Variants in STRN4 observed in about 807,000 individuals in gnomAD.
STRN4 encodes striatin 4.
STRN4 carries 27 observed loss-of-function variants against 77.9 expected under a neutral mutation model. That is an observed-to-expected ratio of 0.35 (90% confidence interval 0.26 to 0.48). STRN4 has a LOEUF of 0.48. Among genes scored for constraint, STRN4 ranks in the 20% least tolerant of loss-of-function variants. The pLI, the probability that STRN4 is intolerant of heterozygous loss-of-function variation, is 0.99. For missense variants in STRN4, 798 were observed against 1,049.7 expected, an observed-to-expected ratio of 0.76 and a Z score of 3.31; for synonymous variants, 466 against 443.1, an observed-to-expected ratio of 1.05 and a Z score of -0.65.
In STRN4 at chr19:46,720,734, G is replaced by C; in HGVS notation, c.2130C>G (p.Asn710Lys). 1.2e-6 allele frequency: 2 copies of C among 1,606,154 alleles called. No individual in the cohort carries two copies. Among genetic ancestry groups the C allele is most frequent in the South Asian group, 2.2e-5 (2 of 89,560 alleles). The change falls in exon 17 of 18, where the codon AAC (asparagine) becomes AAG (lysine). Residue 710 changes from asparagine (N) to lysine (K), a missense_variant. Physicochemically the swap from Asn to Lys is moderately conservative, Grantham distance 94 (BLOSUM62 0). Around this residue, in one of 2 missense-constraint regions of STRN4, gnomAD observed 287 missense variants for 473.8 expected, o/e 0.61. Transcript: ENST00000263280. ...DCSLRLWSLD[N>K]KTCVQEITAH... ...CCGTGATCTCCTGCACGCACGTTTT[G>C]TTGTCCAGGCTCCAGAGACGCAGGG...
Position 46,727,904 on chromosome 19 carries a change from C to CCGG in STRN4, c.1140_1142dup (p.Arg381dup), listed in dbSNP as rs774087203. 4.1e-5 allele frequency: 66 copies of CCGG among 1,605,732 alleles called. No homozygotes were observed. In the Admixed American group the frequency reaches 8.7e-4, roughly 21 times the overall value. On this transcript the variant is annotated inframe_insertion, in exon 8 of 18. Coordinates refer to ENST00000263280, the MANE Select transcript of STRN4 (RefSeq NM_013403.3). ...GGGGGTGCCTCTTACCTTCATGTGG[C>CCGG]CGGGGCTGGGGTGTGCCAGGAGGCG...
chr19:46,744,528 C>T (rs2054537665), intron 1 of STRN4, among the ~76,000 whole-genome samples: 1 of 151,962 alleles, frequency 6.6e-6, no homozygotes, highest in Non-Finnish European at 1.5e-5. Context: ...GGACTACAGG[C>T]GCATGTCACC....
At chr19:46,730,280 C>T (rs2122290383) in intron 6 of STRN4, among the ~76,000 whole-genome samples, 1 of 152,320 alleles carries the variant, frequency 6.6e-6, no homozygotes, top group Non-Finnish European at 1.5e-5. Context: ...CACACAGGCC[C>T]AGTCCCTCCC....
chr19:46,741,499 G>A lies in STRN4; in HGVS notation c.283-2611C>T, dbSNP rs1250705336. On this transcript the variant is annotated intron_variant, in intron 1 of 17. Coordinates refer to ENST00000263280, the MANE Select transcript of STRN4 (RefSeq NM_013403.3). This position sits in a 1 kb window ranked among gnomAD's most constrained non-coding sequence, Gnocchi z 4.9. The stretch of plus-strand genomic sequence containing the variant: ...TGGAAACCCACCAAAAACGGGAAGC[G>A]TCAGTGGCCAGTCTCTCCCTCGCTG... 3.9e-5 allele frequency among the ~76,000 whole-genome samples: 6 copies of A among 152,190 alleles called. No homozygotes were observed. Among genetic ancestry groups the A allele is most frequent in the African/African-American group, 1.2e-4 (5 of 41,444 alleles).
intron 9 of STRN4, 96 bp downstream of exon 9, chr19:46,727,356 G>T: frequency 9.6e-7 from 1 of 1,041,202 alleles, no homozygotes; most frequent in South Asian, 1.5e-5. Context: ...GAAACAGGAT[G>T]AGCAGGGCAC....
At position 46,743,039 on chromosome 19, in the gene STRN4, G is replaced by A. The variant is rs372022600; in HGVS notation, c.282+3110C>T. 5.1e-4 allele frequency among the ~76,000 whole-genome samples: 77 copies of A among 152,286 alleles called. No homozygotes were observed. The South Asian group carries it at 0.015, about 30-fold the overall frequency. On this transcript the variant is annotated intron_variant, in intron 1 of 17. Coordinates refer to ENST00000263280, the MANE Select transcript of STRN4 (RefSeq NM_013403.3). The stretch of plus-strand genomic sequence containing the variant: ...TCAGCTATGGTGCAAACATCCCGTG[G>A]GACGCTATGCAGCTATCAAAAAGAA...
chr19:46,737,101 CCTGA>C (rs1399966116), intron 3 of STRN4, among the ~76,000 whole-genome samples, 200 bp from the exon 4 acceptor site: 1 of 152,204 alleles, frequency 6.6e-6, no homozygotes, highest in Non-Finnish European at 1.5e-5. Flanking sequence ...CTCTAGGTCT[CCTGA>C]CTGGTGGTTC....
chr19:46,745,917 G>C (rs2054583506), intron 1 of STRN4: 12 of 279,278 alleles, frequency 4.3e-5, no homozygotes, highest in East Asian at 7.4e-5. Flanking sequence ...TCCCACCCCC[G>C]GTCCCTCCAC....
chr19:46,725,412 A>G, intron 10 of STRN4, 33 bp from the exon 11 acceptor site: 1 of 1,613,978 alleles, frequency 6.2e-7, no homozygotes, highest in Non-Finnish European at 8.5e-7. Flanking sequence ...GATGTCACTG[A>G]GACCCTGTCA....
chr19:46,728,105 G>A, intron 7 of STRN4, 98 bp from the exon 8 acceptor site: 1 of 1,129,424 alleles, frequency 8.9e-7, no homozygotes, highest in Non-Finnish European at 1.3e-6. Flanking sequence ...CTGCCACTCT[G>A]TGGGGCTGTG....
intron 14 of STRN4, 91 bp downstream of exon 14, chr19:46,722,719 C>T: frequency 1.9e-6 from 3 of 1,551,302 alleles, no homozygotes; most frequent in Non-Finnish European, 2.6e-6. Flanking sequence ...GTCATCTGAG[C>T]TGACTGACAA....
At chr19:46,746,057 C>T in intron 1 of STRN4, 92 bp downstream of exon 1, 1 of 1,242,684 alleles carries the variant, frequency 8.0e-7, no homozygotes, top group Non-Finnish European at 1.0e-6. Context: ...TCCCGGCGGC[C>T]ATTGCTCCAA....
At chr19:46,725,752 C>T (rs1040920421) in intron 9 of STRN4, 104 bp from the exon 10 acceptor site, 1 of 1,431,656 alleles carries the variant, frequency 7.0e-7, no homozygotes, top group South Asian at 1.4e-5. Context: ...CCCACATGAC[C>T]CTGGCAGGAA....
rs1318874872 is a variant in STRN4 at position 46,746,435 on chromosome 19, G to A, written c.-5C>T. 3 of 1,013,708 alleles carry A rather than the reference G, an allele frequency of 3.0e-6. No individual in the cohort carries two copies. The highest frequency in any genetic ancestry group is 1.8e-5 in the African/African-American group (1 of 57,070). 62.8% of individuals were successfully genotyped at this position (1,013,708 alleles called of 1,614,324 possible). Reference sequence around the variant, plus strand: ...GGCCGCTCGCTCCTCCATCATGGAGGCCCCGGGGCCGGCCTGCGCGCCCGC... The same window carrying A: ...GGCCGCTCGCTCCTCCATCATGGAGACCCCGGGGCCGGCCTGCGCGCCCGC... On this transcript the variant is annotated 5_prime_UTR_variant, in exon 1 of 18. Coordinates refer to ENST00000263280, the MANE Select transcript of STRN4 (RefSeq NM_013403.3).
intron 17 of STRN4, 71 bp downstream of exon 17, chr19:46,720,465 G>A (rs910921876): frequency 4.8e-5 from 52 of 1,082,774 alleles, no homozygotes; most frequent in East Asian, 9.3e-5. Context: ...ACTGGACTGC[G>A]GGGCTCAGCA....
At chr19:46,736,611 T>C (rs1052411781) in intron 4 of STRN4, among the ~76,000 whole-genome samples, 1 of 129,606 alleles carries the variant, frequency 7.7e-6, no homozygotes, top group African/African-American at 3.0e-5. Flanking sequence ...CCAACAGGGG[T>C]GTCCCCACGT....
chr19:46,720,921 C>A, intron 16 of STRN4, 150 bp from the exon 17 acceptor site: 3 of 916,450 alleles, frequency 3.3e-6, no homozygotes, highest in Non-Finnish European at 4.5e-6. Flanking sequence ...CTCCTGTGGC[C>A]CGCCCAAAGG....
At position 46,738,499 on chromosome 19, in the gene STRN4, C is replaced by T. The variant is rs970570568; in HGVS notation, c.387-262G>A. 1.7e-4 allele frequency among the ~76,000 whole-genome samples: 26 copies of T among 152,188 alleles called. No individual in the cohort carries two copies. The highest frequency in any genetic ancestry group is 5.5e-4 in the African/African-American group (23 of 41,448). ...AGTTCCTTATCTGAAACAGGGCTAA[C>T]AATACCCGTTAGGCTATTGGAAGGT... On this transcript the variant is annotated intron_variant, in intron 2 of 17. Transcript: ENST00000263280. The surrounding 1 kb of genome is among the most constrained non-coding windows in gnomAD (Gnocchi z 4.5).
rs1481558677 is a variant in STRN4 at position 46,730,637 on chromosome 19, C to T, written c.879+95G>A. 4.5e-6 allele frequency: 7 copies of T among 1,539,192 alleles called. No individual in the cohort carries two copies. The East Asian group carries it at 1.6e-4, about 35-fold the overall frequency. ...TGTCTCCATATCCCTGCTGCCAGCA[C>T]ACACCGCAGCCCCTGAAGGCCCAGG... On this transcript the variant is annotated intron_variant, in intron 6 of 17. Coordinates refer to ENST00000263280, the MANE Select transcript of STRN4 (RefSeq NM_013403.3).
Sources: allele counts gnomAD v4.1 joint callset (sites outside exome capture counted in the v4.1 genomes callset), GRCh38; gene constraint gnomAD v4.1.1; regional missense constraint gnomAD v4.1.1; non-coding constraint Gnocchi (gnomAD v3.1); transcripts MANE v1.5; gene names NCBI Gene and HGNC (gene_info 2026-07-23, HGNC 2026-07-21).